JAK1: variants seen among roughly 807,000 people sequenced by gnomAD.
JAK1 encodes the protein tyrosine-protein kinase JAK1.
A neutral mutation model predicts 136.6 loss-of-function variants in JAK1; 16 were observed. The ratio of observed to expected loss-of-function variants is 0.12; its 90% CI spans 0.08 to 0.18. The LOEUF (loss-of-function observed/expected upper bound fraction) is 0.18, where lower values mean the gene tolerates loss of function less well. JAK1 is among the 10% of genes least tolerant of loss of function. The probability of loss-of-function intolerance (pLI) is 1.00; values close to 1 mark genes in which losing one functional copy is unlikely to be tolerated. For synonymous variants in JAK1, 492 were observed against 519.5 expected, an observed-to-expected ratio of 0.95 and a Z score of 0.72; for missense variants, 859 against 1,450.1, an observed-to-expected ratio of 0.59 and a Z score of 6.62.
At chr1:64,842,318 A>T (rs1184897239) in intron 17 of JAK1, among the ~76,000 whole-genome samples, 1 of 152,204 alleles carries the variant, frequency 6.6e-6, no homozygotes, top group Non-Finnish European at 1.5e-5. Flanking sequence ...AATTTTCTTC[A>T]ACTGTTTATT....
chr1:64,944,421 C>G (rs545133067), intron 1 of JAK1, among the ~76,000 whole-genome samples: 3 of 152,082 alleles, frequency 2.0e-5, no homozygotes, highest in African/African-American at 4.8e-5. Flanking sequence ...GTGTACATGT[C>G]TTTTGACCTA....
intron 1 of JAK1, among the ~76,000 whole-genome samples, chr1:64,926,132 T>A (rs1053008698): frequency 3.3e-5 from 5 of 152,152 alleles, no homozygotes; most frequent in African/African-American, 1.2e-4. Flanking sequence ...CCCTGATGCA[T>A]AAACTGAAAG....
chr1:64,905,268 A>G (rs1301692628), intron 1 of JAK1, among the ~76,000 whole-genome samples: 1 of 152,216 alleles, frequency 6.6e-6, no homozygotes, highest in Non-Finnish European at 1.5e-5. Context: ...GGGGCAGAGC[A>G]GACTGAGATG....
At chr1:64,837,853 A>G (rs916070028) in intron 22 of JAK1, 79 bp downstream of exon 22, 11 of 1,229,656 alleles carry the variant, frequency 8.9e-6, no homozygotes, top group Non-Finnish European at 1.3e-5. Context: ...GAGACACATT[A>G]ATATAGCCAG....
rs2101214928 is a variant in JAK1, at chr1:64,879,015, C to T, written c.329+10G>A. 1.2e-6 allele frequency: 2 copies of T among 1,613,744 alleles called. No individual in the cohort carries two copies. Among genetic ancestry groups the T allele is most frequent in the Non-Finnish European group, 8.5e-7 (1 of 1,179,826 alleles). ...GAGCCAGGCAGGTACCAGGTCAGTA[C>T]TTCCCATACCTCATCCGGTAGTGGA... On this transcript the variant is annotated intron_variant, in intron 4 of 24. Coordinates refer to ENST00000342505, the MANE Select transcript of JAK1 (RefSeq NM_002227.4).
At position 65,010,844 on chromosome 1, in the gene JAK1, T is replaced by C. The variant is rs369266495; in HGVS notation, c.-78+33636A>G. On this transcript the variant is annotated intron_variant, in intron 2 of 25. Transcript: ENST00000671954. ...AATAAACTAGCCAGCCGTGGTGGCA[T>C]GCCTGTAGTCCTAGCTACTTGGGAG... Among the ~76,000 whole-genome samples the C allele has an allele frequency of 1.2e-4, 18 of 152,284 alleles. 1 individual carries two copies. Among genetic ancestry groups the C allele is most frequent in the Admixed American group, 3.3e-4 (5 of 15,292 alleles).
intron 2 of JAK1, among the ~76,000 whole-genome samples, chr1:65,015,912 A>G (rs538451169): frequency 6.6e-6 from 1 of 152,328 alleles, no homozygotes; most frequent in South Asian, 2.1e-4. Context: ...TGTTCATTGT[A>G]GCATTATTTA....
chr1:65,066,260 G>A (rs1454705379), intron 1 of JAK1, among the ~76,000 whole-genome samples: 1 of 152,134 alleles, frequency 6.6e-6, no homozygotes, highest in African/African-American at 2.4e-5. Flanking sequence ...GCGGCCAGGA[G>A]CCGGCGTCTC....
At chr1:65,050,074 G>A (rs12128487) in intron 1 of JAK1, among the ~76,000 whole-genome samples, 2 of 152,162 alleles carry the variant, frequency 1.3e-5, no homozygotes, top group African/African-American at 4.8e-5. Flanking sequence ...AGAAAGTGGG[G>A]ATTTTGAACA....
intron 1 of JAK1, among the ~76,000 whole-genome samples, chr1:64,887,266 G>T (rs1644866613): frequency 6.6e-6 from 1 of 152,222 alleles, no homozygotes; most frequent in African/African-American, 2.4e-5. Flanking sequence ...AGACAAGTAT[G>T]AATTTGATTG....
At chr1:64,871,778 C>T (rs1356890882) in intron 5 of JAK1, among the ~76,000 whole-genome samples, 6 of 152,186 alleles carry the variant, frequency 3.9e-5, no homozygotes. Flanking sequence ...TACACTAGGC[C>T]AAACCAGCAT....
chr1:65,018,879 C>T (rs1025303493), intron 2 of JAK1, among the ~76,000 whole-genome samples: 2 of 151,990 alleles, frequency 1.3e-5, no homozygotes, highest in Non-Finnish European at 2.9e-5. Flanking sequence ...GGCGTGGTGG[C>T]GGGCGCCTGT....
At chr1:64,887,855 C>T (rs187023905) in intron 1 of JAK1, among the ~76,000 whole-genome samples, 4 of 152,142 alleles carry the variant, frequency 2.6e-5, no homozygotes, top group Admixed American at 6.5e-5. Flanking sequence ...TTGTCTCTCC[C>T]GTTGCTTGAA....
intron 11 of JAK1, among the ~76,000 whole-genome samples, chr1:64,851,421 G>A (rs1474436363): frequency 6.6e-6 from 1 of 152,208 alleles, no homozygotes; most frequent in East Asian, 1.9e-4. Context: ...CCCGGGCCCA[G>A]GGCATGATGG....
chr1:65,046,898 C>G (rs965719230), intron 1 of JAK1, among the ~76,000 whole-genome samples: 2 of 107,656 alleles, frequency 1.9e-5, no homozygotes, highest in East Asian at 6.5e-4. Flanking sequence ...TTTTGGTTAA[C>G]TTTTTCATTT....
chr1:64,934,336 T>C (rs1260811842), intron 1 of JAK1, among the ~76,000 whole-genome samples: 1 of 152,148 alleles, frequency 6.6e-6, no homozygotes, highest in Non-Finnish European at 1.5e-5. Flanking sequence ...TAAGAACCTC[T>C]TGTCACAGCT....
chr1:64,887,586 G>A lies in JAK1; in HGVS notation c.-77-1245C>T, dbSNP rs1002613696. ...GGTCCCTGCCTACGTGGAGCTTACAGTCAATGGGAAGAATGGAATCAAACT... is the reference window on the plus strand; with the variant it reads ...GGTCCCTGCCTACGTGGAGCTTACAATCAATGGGAAGAATGGAATCAAACT... On this transcript the variant is annotated intron_variant, in intron 1 of 24. Coordinates refer to ENST00000342505, the MANE Select transcript of JAK1 (RefSeq NM_002227.4). Among the ~76,000 whole-genome samples the A allele has an allele frequency of 1.6e-4, 24 of 152,310 alleles. 1 individual carries two copies. In the South Asian group the frequency reaches 1.7e-3, roughly 11 times the overall value.
upstream of JAK1, among the ~76,000 whole-genome samples, chr1:64,970,982 A>G (rs1279786158): frequency 6.6e-6 from 1 of 152,220 alleles, no homozygotes; most frequent in Non-Finnish European, 1.5e-5. Flanking sequence ...ATCTTCATCA[A>G]AAGAATATGT....
intron 2 of JAK1, among the ~76,000 whole-genome samples, chr1:64,978,395 T>C (rs1646515181): frequency 6.6e-6 from 1 of 152,238 alleles, no homozygotes; most frequent in Admixed American, 6.5e-5. Context: ...AGATAAACAT[T>C]AGTTTATTAT....
Sources: gnomAD v4.1 joint callset for allele counts (sites outside exome capture counted in the v4.1 genomes callset) on GRCh38, gnomAD v4.1.1 for gene constraint, MANE v1.5 for transcripts, NCBI Gene and HGNC (gene_info 2026-07-23, HGNC 2026-07-21) for gene names.